The following SMIM24 variants were observed in gnomAD, a reference collection of about 807,000 sequenced individuals.
SMIM24 encodes the protein small integral membrane protein 24, also known as MAP17-related dimer.
Under a neutral mutation model 10.8 loss-of-function variants are expected in SMIM24, and 6 were observed. That is an observed-to-expected ratio of 0.55 (90% confidence interval 0.30 to 1.09). The LOEUF (loss-of-function observed/expected upper bound fraction) is 1.09, where lower values mean the gene tolerates loss of function less well. Ranked by LOEUF, SMIM24 falls within the 50% of genes least tolerant of loss-of-function variation. The pLI, the probability that SMIM24 is intolerant of heterozygous loss-of-function variation, is 0.06. For synonymous variants in SMIM24, 71 were observed against 62.4 expected (o/e 1.14, Z -0.65); for missense variants, 151 against 153.4 (o/e 0.98, Z 0.08).
At chr19:3,478,527 G>A (rs756322863) in intron 2 of SMIM24, 49 bp from the exon 3 acceptor site, 3 of 1,480,982 alleles carry the variant, frequency 2.0e-6, no homozygotes, top group Non-Finnish European at 2.7e-6. Flanking sequence ...GGAGAAAGGG[G>A]GCGGTAAAGG....
At chr19:3,477,785 G>A (rs1265176411) in intron 3 of SMIM24, among the ~76,000 whole-genome samples, 1 of 148,714 alleles carries the variant, frequency 6.7e-6, no homozygotes, top group East Asian at 2.0e-4. Context: ...GGGTGAGTGG[G>A]TGGATGAGTG....
Position 3,474,374 on chromosome 19 carries a change from A to G in SMIM24, c.*469T>C, listed in dbSNP as rs2082784405. The G allele has an allele frequency of 1.3e-5, 2 of 159,792 alleles. No homozygotes were observed. The highest frequency in any genetic ancestry group is 6.0e-5 in the Admixed American group (1 of 16,742). 9.9% of individuals were successfully genotyped at this position (159,792 alleles called of 1,614,324 possible). A position where few individuals can be genotyped will look rare whatever the true frequency, so the allele number is the denominator to read the frequency against. ...AAAAGCAGCCTCCTTCCCCAGAGGTAAACTGAGTCCCAAGAGATGACAGGA... is the reference window on the plus strand; with the variant it reads ...AAAAGCAGCCTCCTTCCCCAGAGGTGAACTGAGTCCCAAGAGATGACAGGA... On this transcript the variant is annotated 3_prime_UTR_variant, in exon 4 of 4. Transcript: ENST00000215531.
Position 3,478,915 on chromosome 19 carries a change from G to C in SMIM24, c.82C>G (p.Leu28Val). The stretch of plus-strand genomic sequence containing the variant: ...GCCAGGCCCACCAGCCACGGCTTCA[G>C]GCGATGCTCCGTGGCTGCAGGAAGT... ...VEAQQATEHRLKPWLVGLAAV... is the reference protein window; with the variant it reads ...VEAQQATEHRVKPWLVGLAAV... Residue 28 changes from leucine (L) to valine (V), a missense_variant, in exon 2 of 4, where the codon CTG (leucine) becomes GTG (valine). Transcript: ENST00000215531. 1 of 1,549,970 alleles carries C rather than the reference G, an allele frequency of 6.5e-7. No homozygotes were observed. The highest frequency in any genetic ancestry group is 8.7e-7 in the Non-Finnish European group (1 of 1,146,724).
rs34995261 is a variant in SMIM24 at position 3,474,213 on chromosome 19, G to A, written c.*630C>T. On this transcript the variant is annotated 3_prime_UTR_variant, in exon 4 of 4. Coordinates refer to ENST00000215531, the MANE Select transcript of SMIM24 (RefSeq NM_001136503.2). ...GAGCAAAGATTTGCTTGGAGACGGC[G>A]CTCAGGGCTCAAAGTCCAGGGCTCA... 7,055 of 151,948 alleles carry A rather than the reference G, an allele frequency of 0.046. 253 individuals carry two copies. Among genetic ancestry groups the A allele is most frequent in the East Asian group, 0.16 (831 of 5,078 alleles). 9.4% of individuals were successfully genotyped at this position (151,948 alleles called of 1,614,324 possible).
intron 2 of SMIM24, 85 bp from the exon 3 acceptor site, chr19:3,478,563 C>G: frequency 1.6e-6 from 2 of 1,283,500 alleles, no homozygotes; most frequent in African/African-American, 3.0e-5. Context: ...ACAGCCTCAG[C>G]CTCTGTCCCA....
intron 3 of SMIM24, among the ~76,000 whole-genome samples, chr19:3,476,375 T>A (rs2082792164): frequency 6.6e-6 from 1 of 151,320 alleles, no homozygotes. Flanking sequence ...AGTGGACAGA[T>A]CAATGGGCTA....
At chr19:3,476,588 G>A (rs921886436) in intron 3 of SMIM24, among the ~76,000 whole-genome samples, 2 of 152,130 alleles carry the variant, frequency 1.3e-5, no homozygotes, top group Non-Finnish European at 2.9e-5. Context: ...CTGGGGCTGA[G>A]CCAGGTCTTA....
At chr19:3,478,775 G>A (rs2082803995) in intron 2 of SMIM24, 43 bp downstream of exon 2, 8 of 1,444,792 alleles carry the variant, frequency 5.5e-6, no homozygotes, top group South Asian at 1.2e-5. Context: ...GCTGGGGGTG[G>A]GGGCAGGGCT....
intron 1 of SMIM24, 149 bp downstream of exon 1, chr19:3,480,248 G>T: frequency 1.2e-6 from 1 of 825,562 alleles, no homozygotes. Flanking sequence ...AGGCCGGGCG[G>T]TACTGCGGGG....
rs767388578 is a variant in SMIM24 at position 3,475,013 on chromosome 19, G to A, written c.240-17C>T. On this transcript the variant is annotated splice_polypyrimidine_tract_variant and intron_variant, in intron 3 of 3. Transcript: ENST00000215531. ...TTGTCTTCACTGTAGGGATACAAAG[G>A]CCCCAAACCATAATAAGAAACAGAG... 5.2e-6 allele frequency: 8 copies of A among 1,548,654 alleles called. 1 individual carries two copies. The South Asian group carries it at 9.6e-5, about 18-fold the overall frequency.
chr19:3,480,189 TGGGC>T (rs1226670813), intron 1 of SMIM24, among the ~76,000 whole-genome samples: 1 of 34,182 alleles, frequency 2.9e-5, no homozygotes, highest in Non-Finnish European at 5.2e-5. Flanking sequence ...AAGGCTCGGG[TGGGC>T]GGTGGGGGGT....
At chr19:3,478,302 G>A (rs1406943445) in intron 3 of SMIM24, 117 bp downstream of exon 3, 26 of 975,116 alleles carry the variant, frequency 2.7e-5, no homozygotes, top group Non-Finnish European at 3.3e-5. Context: ...GAAAGGTGAA[G>A]ATCCCAGGGC....
Position 3,474,995 on chromosome 19 carries a change from C to A in SMIM24, c.241G>T (p.Glu81Ter), listed in dbSNP as rs1311238557. 1.0e-5 allele frequency: 16 copies of A among 1,550,966 alleles called. No homozygotes were observed. Among genetic ancestry groups the A allele is most frequent in the Non-Finnish European group, 7.8e-6 (9 of 1,146,896 alleles). ...GCCTCTTTCTTCTCTCTCTTGTCTT[C>A]ACTGTAGGGATACAAAGGCCCCAAA... ...MESNLYQDQS[E>*]DKREKKEAKE... Residue 81 changes from glutamate (E) to a stop codon, truncating the protein, a stop_gained and splice_region_variant, in exon 4 of 4, where the codon GAA becomes TAA. Coordinates refer to ENST00000215531, the MANE Select transcript of SMIM24 (RefSeq NM_001136503.2). LOFTEE classifies it low-confidence loss of function (END_TRUNC).
chr19:3,480,397 C>A lies in SMIM24; in HGVS notation c.67G>T (p.Ala23Ser). ...LLLSPVEAQQATEHRLKPWLV... is the reference protein window; with the variant it reads ...LLLSPVEAQQSTEHRLKPWLV... ...CCCCCTCCCGCCCCCCTGCACCTACCCTGCTGGGCCTCCACCGGGGAGAGG... is the reference window on the plus strand; with the variant it reads ...CCCCCTCCCGCCCCCCTGCACCTACACTGCTGGGCCTCCACCGGGGAGAGG... The change falls in exon 1 of 4, where the codon GCC (alanine) becomes TCC (serine). Residue 23 changes from alanine (A) to serine (S), a missense_variant and splice_region_variant. Coordinates refer to ENST00000215531, the MANE Select transcript of SMIM24 (RefSeq NM_001136503.2). 1 of 1,548,074 alleles carries A rather than the reference C, an allele frequency of 6.5e-7. No individual in the cohort carries two copies. The highest frequency in any genetic ancestry group is 1.2e-5 in the South Asian group (1 of 83,864).
Position 3,474,174 on chromosome 19 carries a change from T to A in SMIM24, c.*669A>T, listed in dbSNP as rs549007613. 1 of 150,648 alleles carries A rather than the reference T, an allele frequency of 6.6e-6. No individual in the cohort carries two copies. The highest frequency in any genetic ancestry group is 1.5e-5 in the Non-Finnish European group (1 of 67,708). 9.3% of individuals were successfully genotyped at this position (150,648 alleles called of 1,614,324 possible). A position where few individuals can be genotyped will look rare whatever the true frequency, so the allele number is the denominator to read the frequency against. ...AAAAGTCACGTGCCCCAAAACAAAG[T>A]GAGGTGGGGGAAGGAGCAAAGATTT... On this transcript the variant is annotated 3_prime_UTR_variant, in exon 4 of 4. Transcript: ENST00000215531.
At chr19:3,475,579 A>G (rs1221629332) in intron 3 of SMIM24, among the ~76,000 whole-genome samples, 1 of 142,350 alleles carries the variant, frequency 7.0e-6, no homozygotes, top group Admixed American at 7.0e-5. Context: ...GGATGAGTAG[A>G]CAGATGAATG....
chr19:3,479,000 G>T, intron 1 of SMIM24, 71 bp from the exon 2 acceptor site: 1 of 1,254,292 alleles, frequency 8.0e-7, no homozygotes, highest in Non-Finnish European at 1.1e-6. Flanking sequence ...CACCACCCTA[G>T]CAAGGAGAGA....
intron 1 of SMIM24, 61 bp downstream of exon 1, chr19:3,480,336 T>G: frequency 7.3e-7 from 1 of 1,376,238 alleles, no homozygotes; most frequent in South Asian, 1.4e-5. Context: ...AATTGGGAGA[T>G]GGTGATCACC....
chr19:3,474,938 T>C lies in SMIM24; in HGVS notation c.298A>G (p.Lys100Glu). Residue 100 changes from lysine to glutamate, a missense_variant, in exon 4 of 4, where the codon AAA (lysine) becomes GAA (glutamate). Coordinates refer to ENST00000215531, the MANE Select transcript of SMIM24 (RefSeq NM_001136503.2). Reference sequence around the variant, plus strand: ...CTCTCTCCTTCCTTTGCTGTCTTTTTCTCCTTCTTCCTCTTCTCTTCTTTC... The same window carrying C: ...CTCTCTCCTTCCTTTGCTGTCTTTTCCTCCTTCTTCCTCTTCTCTTCTTTC... ...KEKEEKRKKE[K>E]KTAKEGESNL... is the part of the protein sequence containing the mutation. 6.4e-7 allele frequency: 1 copy of C among 1,551,690 alleles called. No individual in the cohort carries two copies. The highest frequency in any genetic ancestry group is 1.2e-5 in the South Asian group (1 of 84,064).
Sources: allele counts gnomAD v4.1 joint callset (sites outside exome capture counted in the v4.1 genomes callset), GRCh38; gene constraint gnomAD v4.1.1; transcripts MANE v1.5; gene names NCBI Gene and HGNC (gene_info 2026-07-23, HGNC 2026-07-21).